Variants in KCNJ12 observed in about 807,000 individuals in gnomAD.
KCNJ12 encodes the protein ATP-sensitive inward rectifier potassium channel 12.
KCNJ12 carries 2 observed loss-of-function variants against 22.3 expected under a neutral mutation model. That is an observed-to-expected ratio of 0.09 (90% confidence interval 0.04 to 0.28). KCNJ12 has a LOEUF of 0.28. Among genes scored for constraint, KCNJ12 ranks in the 10% least tolerant of loss-of-function variants. The pLI is 1.00. For missense variants in KCNJ12, 155 were observed against 633.3 expected (o/e 0.24, Z 8.11); for synonymous variants, 117 against 261.4 (o/e 0.45, Z 5.33).
intron 1 of KCNJ12, among the ~76,000 whole-genome samples, chr17:21,400,028 C>T (rs1324986373): frequency 1.4e-4 from 21 of 152,288 alleles, no homozygotes; most frequent in African/African-American, 4.8e-4. Context: ...TGTGGGGCCC[C>T]GCTCGCTACC....
intron 2 of KCNJ12, among the ~76,000 whole-genome samples, chr17:21,413,966 G>A (rs1906529138): frequency 1.3e-5 from 2 of 152,266 alleles, no homozygotes; most frequent in African/African-American, 4.8e-5. Flanking sequence ...GCTGGGGAGG[G>A]CCCTCGGCTG....
At chr17:21,388,984 G>A (rs1452452866) in intron 1 of KCNJ12, among the ~76,000 whole-genome samples, 15 of 152,182 alleles carry the variant, frequency 9.9e-5, no homozygotes, top group African/African-American at 3.6e-4. Flanking sequence ...GGATTGACAC[G>A]GGCTGCTCTC....
intron 1 of KCNJ12, among the ~76,000 whole-genome samples, chr17:21,392,029 G>A (rs1418737845): frequency 6.6e-6 from 1 of 152,218 alleles, no homozygotes; most frequent in African/African-American, 2.4e-5. Flanking sequence ...TGTGGTTGAG[G>A]TAGAACCGGC....
At chr17:21,392,645 A>AC (rs1384657430) in intron 1 of KCNJ12, among the ~76,000 whole-genome samples, 3 of 151,910 alleles carry the variant, frequency 2.0e-5, no homozygotes, top group Non-Finnish European at 4.4e-5. Flanking sequence ...GATTTCATGG[A>AC]CCCCCATCCT....
chr17:21,406,081 C>A, intron 1 of KCNJ12, among the ~76,000 whole-genome samples: 1 of 152,280 alleles, frequency 6.6e-6, no homozygotes, highest in Non-Finnish European at 1.5e-5. Context: ...ACACTTCTGG[C>A]CCCCACCCCT....
At chr17:21,382,829 G>A (rs1277506137) in intron 1 of KCNJ12, among the ~76,000 whole-genome samples, 6 of 152,206 alleles carry the variant, frequency 3.9e-5, no homozygotes, top group Non-Finnish European at 8.8e-5. Flanking sequence ...GGGCAGAAAA[G>A]GAAACCAGGT....
chr17:21,415,331 C>A lies in KCNJ12; in HGVS notation c.-12C>A, dbSNP rs781835210. The A allele has an allele frequency of 1.7e-5, 27 of 1,603,012 alleles. No homozygotes were observed. In the South Asian group the frequency reaches 2.9e-4, roughly 17 times the overall value. On this transcript the variant is annotated 5_prime_UTR_variant, in exon 3 of 3. Coordinates refer to ENST00000583088, the MANE Select transcript of KCNJ12 (RefSeq NM_021012.5). ...TAGCCTGGGGGCGAGCCAGGGTCCCCCAACCCCCGGGATGACCGCGGCCAG... is the reference window on the plus strand; with the variant it reads ...TAGCCTGGGGGCGAGCCAGGGTCCCACAACCCCCGGGATGACCGCGGCCAG...
intron 1 of KCNJ12, among the ~76,000 whole-genome samples, chr17:21,394,953 C>A (rs1905303182): frequency 6.6e-6 from 1 of 152,194 alleles, no homozygotes; most frequent in Non-Finnish European, 1.5e-5. Context: ...AGACCATGAC[C>A]ACATGGGATC....
intron 1 of KCNJ12, among the ~76,000 whole-genome samples, chr17:21,407,429 A>C (rs1231786016): frequency 3.4e-4 from 51 of 151,880 alleles, no homozygotes; most frequent in African/African-American, 1.2e-3. Context: ...CCACTCAACC[A>C]TATACCCACC....
chr17:21,379,698 C>T (rs1055397578), intron 1 of KCNJ12, among the ~76,000 whole-genome samples: 2 of 148,864 alleles, frequency 1.3e-5, no homozygotes, highest in African/African-American at 2.5e-5. Context: ...GATGGGGACA[C>T]GGCAGCAGGG....
intron 1 of KCNJ12, among the ~76,000 whole-genome samples, chr17:21,390,516 G>A (rs529093301): frequency 1.3e-5 from 2 of 152,374 alleles, no homozygotes; most frequent in African/African-American, 2.4e-5. Flanking sequence ...AAGCGGGGCC[G>A]GTGGCCAGAG....
At chr17:21,412,685 C>T (rs1567706047) in intron 2 of KCNJ12, among the ~76,000 whole-genome samples, 1 of 152,312 alleles carries the variant, frequency 6.6e-6, no homozygotes, top group African/African-American at 2.4e-5. Context: ...CAGTGTCCAC[C>T]ATTCCGGCCC....
intron 1 of KCNJ12, among the ~76,000 whole-genome samples, chr17:21,386,285 C>T (rs1272038574): frequency 2.6e-5 from 4 of 152,188 alleles, no homozygotes; most frequent in African/African-American, 7.2e-5. Context: ...TCTCCAGTCT[C>T]TGCCTCTTGT....
At chr17:21,411,630 T>G (rs1188069809) in intron 2 of KCNJ12, among the ~76,000 whole-genome samples, 1 of 152,308 alleles carries the variant, frequency 6.6e-6, no homozygotes, top group Non-Finnish European at 1.5e-5. Context: ...GACAAGTCTC[T>G]TTTTCTTTTT....
In KCNJ12 at chr17:21,419,391, G is replaced by T; in HGVS notation, c.*2747G>T. 1 of 167,174 alleles carries T rather than the reference G, an allele frequency of 6.0e-6. No individual in the cohort carries two copies. Among genetic ancestry groups the T allele is most frequent in the Non-Finnish European group, 1.5e-5 (1 of 68,206 alleles). The allele number at this position is 167,174 out of a possible 1,614,324, so 10.4% of individuals were successfully genotyped here. A position where few individuals can be genotyped will look rare whatever the true frequency, so the allele number is the denominator to read the frequency against. On this transcript the variant is annotated 3_prime_UTR_variant, in exon 3 of 3. Coordinates refer to ENST00000583088, the MANE Select transcript of KCNJ12 (RefSeq NM_021012.5). The stretch of plus-strand genomic sequence containing the variant: ...TTCCGTGTACAAGTTTCCTGTGAGG[G>T]AGGGCACCCACCCATCAGGTTGGGC...
At chr17:21,391,271 T>C (rs1454079820) in intron 1 of KCNJ12, among the ~76,000 whole-genome samples, 1 of 152,236 alleles carries the variant, frequency 6.6e-6, no homozygotes, top group Non-Finnish European at 1.5e-5. Context: ...TTCCCTTGGA[T>C]GCCGGTTTCC....
intron 1 of KCNJ12, among the ~76,000 whole-genome samples, chr17:21,393,081 G>T (rs1345340647): frequency 2.0e-5 from 3 of 152,170 alleles, no homozygotes; most frequent in Admixed American, 6.5e-5. Context: ...TTAAGTCCAT[G>T]TGCCTCCCTG....
chr17:21,393,868 A>T (rs1905268470), intron 1 of KCNJ12, among the ~76,000 whole-genome samples: 1 of 152,170 alleles, frequency 6.6e-6, no homozygotes, highest in Non-Finnish European at 1.5e-5. Flanking sequence ...GCATCCTCCC[A>T]GGGCCACTCA....
At chr17:21,414,005 G>C (rs1309092027) in intron 2 of KCNJ12, among the ~76,000 whole-genome samples, 2 of 152,414 alleles carry the variant, frequency 1.3e-5, no homozygotes, top group Admixed American at 1.3e-4. Context: ...CCCATGTCTG[G>C]GTGCCAGATC....
Sources: gnomAD v4.1 joint callset for allele counts (sites outside exome capture counted in the v4.1 genomes callset) on GRCh38, gnomAD v4.1.1 for gene constraint, MANE v1.5 for transcripts, NCBI Gene and HGNC (gene_info 2026-07-23, HGNC 2026-07-21) for gene names.